Variants in MYZAP observed in about 807,000 individuals in gnomAD.
MYZAP encodes GRINL1A complex locus upstream.
In MYZAP, 66 loss-of-function variants were observed where a neutral mutation model predicts 69.4. The ratio of observed to expected loss-of-function variants is 0.95; its 90% CI spans 0.78 to 1.17. The LOEUF (loss-of-function observed/expected upper bound fraction) is 1.17, where lower values mean the gene tolerates loss of function less well. Among genes scored for constraint, MYZAP ranks in the 50% most tolerant of loss-of-function variants. The pLI is 0.00. For synonymous variants in MYZAP, 256 were observed against 205.9 expected (o/e 1.24, Z -2.09); for missense variants, 611 against 556.2 (o/e 1.10, Z -0.99).
intron 11 of MYZAP, among the ~76,000 whole-genome samples, chr15:57,664,930 A>C (rs182659827): frequency 2.6e-5 from 4 of 152,310 alleles, no homozygotes; most frequent in Admixed American, 2.6e-4. Context: ...ATGATGATTA[A>C]ATATGTTAAT....
intron 11 of MYZAP, among the ~76,000 whole-genome samples, chr15:57,671,022 C>A: frequency 6.6e-6 from 1 of 152,052 alleles, no homozygotes; most frequent in East Asian, 1.9e-4. Flanking sequence ...AAACTAGATT[C>A]TTTCATATAT....
chr15:57,612,815 C>T (rs1373936093), intron 2 of MYZAP, among the ~76,000 whole-genome samples: 1 of 152,220 alleles, frequency 6.6e-6, no homozygotes, highest in Non-Finnish European at 1.5e-5. Context: ...TGTGAGTACT[C>T]ACAGGAAACA....
rs35427943 is a variant in MYZAP, at chr15:57,679,378, C to T, written c.1304+4310C>T. Among the ~76,000 whole-genome samples, 674 of 130,238 alleles carry T rather than the reference C, an allele frequency of 5.2e-3. 7 individuals carry two copies. Among genetic ancestry groups the T allele is most frequent in the African/African-American group, 0.019 (546 of 28,328 alleles). 85.4% of individuals were successfully genotyped at this position (130,238 alleles called of 152,430 possible). A position where few individuals can be genotyped will look rare whatever the true frequency, so the allele number is the denominator to read the frequency against. ...TGTGTGTGTGTGTGTGTGTGTGTTT[C>T]TCTCTCTCTCTCTCTCTGTCTCCTC... On this transcript the variant is annotated intron_variant, in intron 12 of 12. Transcript: ENST00000267853.
At chr15:57,638,981 T>C (rs1217424922) in intron 9 of MYZAP, among the ~76,000 whole-genome samples, 1 of 152,198 alleles carries the variant, frequency 6.6e-6, no homozygotes, top group African/African-American at 2.4e-5. Flanking sequence ...ATAATCATCC[T>C]TATATGGGAT....
chr15:57,617,162 T>G (rs1448182297), intron 2 of MYZAP, among the ~76,000 whole-genome samples: 1 of 152,088 alleles, frequency 6.6e-6, no homozygotes, highest in African/African-American at 2.4e-5. Context: ...TGTGTGTCCA[T>G]AAGCAAGTTG....
At chr15:57,615,441 C>T (rs1364169426) in intron 2 of MYZAP, among the ~76,000 whole-genome samples, 5 of 152,300 alleles carry the variant, frequency 3.3e-5, no homozygotes, top group South Asian at 2.1e-4. Context: ...TTCCCTGCTC[C>T]GTGGCGGCTT....
intron 1 of MYZAP, among the ~76,000 whole-genome samples, chr15:57,597,545 C>T (rs1426994144): frequency 6.6e-6 from 1 of 152,142 alleles, no homozygotes; most frequent in Non-Finnish European, 1.5e-5. Flanking sequence ...GGAGTCCTCG[C>T]ACTCCAAGTC....
intron 11 of MYZAP, among the ~76,000 whole-genome samples, chr15:57,669,127 G>C (rs1304987902): frequency 6.6e-6 from 1 of 152,204 alleles, no homozygotes; most frequent in East Asian, 1.9e-4. Flanking sequence ...GAGCTCAAGT[G>C]ATCAGCCCAT....
At chr15:57,639,339 G>A in intron 9 of MYZAP, 101 bp from the exon 10 acceptor site, 1 of 1,295,652 alleles carries the variant, frequency 7.7e-7, no homozygotes, top group South Asian at 1.4e-5. Flanking sequence ...GAGCCGCCAT[G>A]CTTGGCGCTC....
intron 7 of MYZAP, 107 bp from the exon 8 acceptor site, chr15:57,633,506 A>T: frequency 7.2e-7 from 1 of 1,385,598 alleles, no homozygotes; most frequent in Non-Finnish European, 9.4e-7. Flanking sequence ...TTCCAAGGTC[A>T]TGTTTTAAAG....
At chr15:57,661,900 A>C (rs1460803112) in intron 11 of MYZAP, among the ~76,000 whole-genome samples, 1 of 152,220 alleles carries the variant, frequency 6.6e-6, no homozygotes, top group African/African-American at 2.4e-5. Flanking sequence ...AACTTTAAGA[A>C]AGGCAAGACT....
intron 2 of MYZAP, among the ~76,000 whole-genome samples, chr15:57,605,443 C>G (rs1240717471): frequency 6.6e-6 from 1 of 152,152 alleles, no homozygotes; most frequent in African/African-American, 2.4e-5. Flanking sequence ...GAAATACAAG[C>G]TTGCTTTAGA....
At chr15:57,666,339 G>A (rs201687488) in intron 11 of MYZAP, among the ~76,000 whole-genome samples, 1 of 152,176 alleles carries the variant, frequency 6.6e-6, no homozygotes, top group Non-Finnish European at 1.5e-5. Context: ...TCCTGGGCTC[G>A]GAGAAAAGGA....
At chr15:57,678,286 C>G (rs1296326867) in intron 12 of MYZAP, among the ~76,000 whole-genome samples, 2 of 151,846 alleles carry the variant, frequency 1.3e-5, no homozygotes, top group Non-Finnish European at 2.9e-5. Context: ...AGCTTGAACC[C>G]GGGAGGCAGA....
rs562945494 is a variant in MYZAP, at chr15:57,632,042, A to C, written c.679-392A>C. On this transcript the variant is annotated intron_variant, in intron 6 of 12. Transcript: ENST00000267853. ...CTAGGTTGGAATGTTTCCAAAAGCAACATTTAGGAAAGCACAAGGGTATGG... is the reference window on the plus strand; with the variant it reads ...CTAGGTTGGAATGTTTCCAAAAGCACCATTTAGGAAAGCACAAGGGTATGG... 2.0e-5 allele frequency among the ~76,000 whole-genome samples: 3 copies of C among 152,338 alleles called. No individual in the cohort carries two copies. The South Asian group carries it at 6.2e-4, about 32-fold the overall frequency.
At chr15:57,644,962 C>T (rs746927766) in intron 10 of MYZAP, among the ~76,000 whole-genome samples, 3 of 152,212 alleles carry the variant, frequency 2.0e-5, no homozygotes, top group Admixed American at 6.5e-5. Flanking sequence ...CTAAGAGAGA[C>T]TAAGGGTGAT....
At chr15:57,604,712 G>A (rs1184572970) in intron 2 of MYZAP, among the ~76,000 whole-genome samples, 2 of 152,200 alleles carry the variant, frequency 1.3e-5, no homozygotes, top group African/African-American at 4.8e-5. Context: ...GCAGCTGGCG[G>A]GGCTGGAACC....
At chr15:57,622,127 A>C (rs1037126997) in intron 4 of MYZAP, among the ~76,000 whole-genome samples, 1 of 152,200 alleles carries the variant, frequency 6.6e-6, no homozygotes, top group African/African-American at 2.4e-5. Context: ...TACTACAAAC[A>C]AGTAAAGAAT....
chr15:57,666,581 A>G (rs1401240611), intron 11 of MYZAP, among the ~76,000 whole-genome samples: 3 of 152,182 alleles, frequency 2.0e-5, no homozygotes, highest in Non-Finnish European at 4.4e-5. Flanking sequence ...CAACCAATTT[A>G]AAATCTTCCT....
Sources: gnomAD v4.1 joint callset for allele counts (sites outside exome capture counted in the v4.1 genomes callset) on GRCh38, gnomAD v4.1.1 for gene constraint, MANE v1.5 for transcripts, NCBI Gene and HGNC (gene_info 2026-07-23, HGNC 2026-07-21) for gene names.